AGAP1: variants seen among roughly 807,000 people sequenced by gnomAD.
The protein encoded by AGAP1 is ArfGAP with GTPase domain, ankyrin repeat and PH domain 1.
In AGAP1, 29 loss-of-function variants were observed where a neutral mutation model predicts 105.3. The ratio of observed to expected loss-of-function variants is 0.28; its 90% CI spans 0.21 to 0.38. The LOEUF (loss-of-function observed/expected upper bound fraction) is 0.38. Among genes scored for constraint, AGAP1 ranks in the 10% least tolerant of loss-of-function variants. The pLI is 1.00. For synonymous variants in AGAP1, 509 were observed against 485.9 expected (o/e 1.05, Z -0.63); for missense variants, 998 against 1,165.1 (o/e 0.86, Z 2.09).
chr2:235,913,078 C>G (rs1254350575), intron 11 of AGAP1, among the ~76,000 whole-genome samples: 2 of 152,006 alleles, frequency 1.3e-5, no homozygotes, highest in African/African-American at 4.8e-5. Flanking sequence ...ATTTTATGGT[C>G]TTCTTTACAT....
rs1361846372 is a variant in AGAP1 at position 236,051,255 on chromosome 2, G to A, written c.2114+1974G>A. ...GAGAACTGAATATTTCTTTGTGCCT[G>A]TAGTAATTTTCCTGGGGAGTTTTGT... On this transcript the variant is annotated intron_variant, in intron 16 of 17. Coordinates refer to ENST00000304032, the MANE Select transcript of AGAP1 (RefSeq NM_001037131.3). This position sits in a 1 kb window ranked among gnomAD's most constrained non-coding sequence, Gnocchi z 5.9. Among the ~76,000 whole-genome samples the A allele has an allele frequency of 1.3e-5, 2 of 152,242 alleles. No individual in the cohort carries two copies. The highest frequency in any genetic ancestry group is 2.9e-5 in the Non-Finnish European group (2 of 68,048).
At chr2:235,703,001 C>T (rs1950335701) in intron 1 of AGAP1, among the ~76,000 whole-genome samples, 1 of 135,170 alleles carries the variant, frequency 7.4e-6, no homozygotes, top group Non-Finnish European at 1.5e-5. Context: ...AATCTCAGCT[C>T]ACTGCCACCT....
At chr2:235,667,205 G>C (rs1298200013) in intron 1 of AGAP1, among the ~76,000 whole-genome samples, 1 of 152,126 alleles carries the variant, frequency 6.6e-6, no homozygotes, top group Non-Finnish European at 1.5e-5. Flanking sequence ...CATTTTTCGG[G>C]AGTTGGGTCA....
rs2055459135 is a variant in AGAP1 at position 235,989,363 on chromosome 2, C to T, written c.1645+20740C>T. The stretch of plus-strand genomic sequence containing the variant: ...ATGAAAACCTAGTTCCTAAGCCCTT[C>T]CCCCAACTGGAACCATGGAGGGAGG... On this transcript the variant is annotated intron_variant, in intron 13 of 17. Coordinates refer to ENST00000304032, the MANE Select transcript of AGAP1 (RefSeq NM_001037131.3). The surrounding 1 kb of genome is among the most constrained non-coding windows in gnomAD (Gnocchi z 4.4). Among the ~76,000 whole-genome samples, 1 of 152,180 alleles carries T rather than the reference C, an allele frequency of 6.6e-6. No homozygotes were observed. The highest frequency in any genetic ancestry group is 1.5e-5 in the Non-Finnish European group (1 of 68,042).
At chr2:235,932,917 C>T (rs1374898652) in intron 12 of AGAP1, among the ~76,000 whole-genome samples, 1 of 152,216 alleles carries the variant, frequency 6.6e-6, no homozygotes, top group Non-Finnish European at 1.5e-5. Flanking sequence ...ACTAAAGTCG[C>T]CTACGTTTGA....
Position 235,853,098 on chromosome 2 carries a change from T to G in AGAP1, c.1051-30247T>G, listed in dbSNP as rs1472442149. On this transcript the variant is annotated intron_variant, in intron 9 of 17. Coordinates refer to ENST00000304032, the MANE Select transcript of AGAP1 (RefSeq NM_001037131.3). ...AGGAAATCAATGAGCGTTTACGCTC[T>G]TTCTTTGAGGAACCTTTTTTTAAAG... 8.1e-6 allele frequency: 10 copies of G among 1,227,442 alleles called. No homozygotes were observed. The African/African-American group carries it at 1.6e-4, about 19-fold the overall frequency. 76.0% of individuals were successfully genotyped at this position (1,227,442 alleles called of 1,614,324 possible). A position where few individuals can be genotyped will look rare whatever the true frequency, so the allele number is the denominator to read the frequency against.
Position 235,967,478 on chromosome 2 carries a change from G to A in AGAP1, c.1484-984G>A, listed in dbSNP as rs1396527343. ...TCCACTTTACAGAGTCCCCATTGGG[G>A]CAGGAATGTTTATCTGTTTCTCCTC... On this transcript the variant is annotated intron_variant, in intron 12 of 17. Transcript: ENST00000304032. This position sits in a 1 kb window ranked among gnomAD's most constrained non-coding sequence, Gnocchi z 4.7. 6.6e-6 allele frequency among the ~76,000 whole-genome samples: 1 copy of A among 152,172 alleles called. No homozygotes were observed. Among genetic ancestry groups the A allele is most frequent in the African/African-American group, 2.4e-5 (1 of 41,444 alleles).
chr2:235,680,102 C>G (rs1319185855), intron 1 of AGAP1, among the ~76,000 whole-genome samples: 1 of 152,230 alleles, frequency 6.6e-6, no homozygotes, highest in Non-Finnish European at 1.5e-5. Flanking sequence ...GTGAGAGGAA[C>G]TTTAGCTCTA....
At chr2:236,081,383 G>A (rs1355461180) in intron 16 of AGAP1, among the ~76,000 whole-genome samples, 3 of 152,194 alleles carry the variant, frequency 2.0e-5, no homozygotes, top group African/African-American at 7.2e-5. Context: ...AATGGCCGGG[G>A]TGCGTGTCTG....
intron 9 of AGAP1, among the ~76,000 whole-genome samples, chr2:235,823,661 A>T (rs1958922453): frequency 6.6e-6 from 1 of 152,198 alleles, no homozygotes; most frequent in African/African-American, 2.4e-5. Context: ...AATAGAAATA[A>T]CAAGTAGTGG....
Position 235,951,664 on chromosome 2 carries a change from T to C in AGAP1, c.1484-16798T>C, listed in dbSNP as rs193147959. On this transcript the variant is annotated intron_variant, in intron 12 of 17. Coordinates refer to ENST00000304032, the MANE Select transcript of AGAP1 (RefSeq NM_001037131.3). The surrounding 1 kb of genome is among the most constrained non-coding windows in gnomAD (Gnocchi z 4.2). ...TCGTGTCACTACCCTTTGCTACAGCTGTTGTTTCTCACTGATTCATTCTCG... is the reference window on the plus strand; with the variant it reads ...TCGTGTCACTACCCTTTGCTACAGCCGTTGTTTCTCACTGATTCATTCTCG... Among the ~76,000 whole-genome samples the C allele has an allele frequency of 0.023, 3,480 of 152,288 alleles. 137 individuals carry two copies. Among genetic ancestry groups the C allele is most frequent in the African/African-American group, 0.079 (3,292 of 41,536 alleles).
At chr2:235,910,914 CA>C (rs568071560) in intron 11 of AGAP1, among the ~76,000 whole-genome samples, 2,446 of 141,268 alleles carry the variant, frequency 0.017, 72 homozygotes, top group East Asian at 0.15. Context: ...GACTCCGTCT[CA>C]AAAAAAAAAA....
chr2:235,759,705 G>C (rs1446514431), intron 6 of AGAP1, among the ~76,000 whole-genome samples: 1 of 151,128 alleles, frequency 6.6e-6, no homozygotes, highest in African/African-American at 2.5e-5. Flanking sequence ...GTTTATATTT[G>C]GATGGGAAAA....
At chr2:235,513,085 C>T (rs1015478006) in intron 1 of AGAP1, among the ~76,000 whole-genome samples, 7 of 152,184 alleles carry the variant, frequency 4.6e-5, no homozygotes, top group Middle Eastern at 3.4e-3. Flanking sequence ...CATTGGGCCC[C>T]TTTGTGTTTT....
intron 16 of AGAP1, among the ~76,000 whole-genome samples, chr2:236,110,968 A>G (rs1027538390): frequency 6.6e-6 from 1 of 152,166 alleles, no homozygotes; most frequent in Admixed American, 6.5e-5. Context: ...CCTCATTGCT[A>G]CGTCCTCACG....
At chr2:235,671,070 G>GC in intron 1 of AGAP1, 1 of 1,262,608 alleles carries the variant, frequency 7.9e-7, no homozygotes, top group Non-Finnish European at 9.9e-7. Context: ...GGGCAGCGTG[G>GC]CCGGGGGTCC....
intron 1 of AGAP1, among the ~76,000 whole-genome samples, chr2:235,653,353 A>G (rs1390438967): frequency 6.6e-6 from 1 of 151,880 alleles, no homozygotes; most frequent in Non-Finnish European, 1.5e-5. Flanking sequence ...GGTCCCAGCT[A>G]CTCGGGAGGC....
chr2:235,582,509 T>A lies in AGAP1; in HGVS notation c.163+87660T>A, dbSNP rs1003797516. Among the ~76,000 whole-genome samples, 1 of 152,204 alleles carries A rather than the reference T, an allele frequency of 6.6e-6. No homozygotes were observed. The highest frequency in any genetic ancestry group is 1.5e-5 in the Non-Finnish European group (1 of 68,042). The stretch of plus-strand genomic sequence containing the variant: ...TCTTGAGTCAGATCGTGGGGTTGGT[T>A]GGTCATGCGTGTAATTATGTGTTGA... On this transcript the variant is annotated intron_variant, in intron 1 of 17. Coordinates refer to ENST00000304032, the MANE Select transcript of AGAP1 (RefSeq NM_001037131.3). The surrounding 1 kb of genome is among the most constrained non-coding windows in gnomAD (Gnocchi z 4.7).
chr2:235,943,745 A>T (rs1333295210), intron 12 of AGAP1, among the ~76,000 whole-genome samples: 1 of 152,152 alleles, frequency 6.6e-6, no homozygotes, highest in Non-Finnish European at 1.5e-5. Flanking sequence ...TTGTTACAAG[A>T]TGGTTATAAC....
Sources: allele counts gnomAD v4.1 joint callset (sites outside exome capture counted in the v4.1 genomes callset), GRCh38; gene constraint gnomAD v4.1.1; non-coding constraint Gnocchi (gnomAD v3.1); transcripts MANE v1.5; gene names NCBI Gene and HGNC (gene_info 2026-07-23, HGNC 2026-07-21).